Variants in ARNT2 observed in about 807,000 individuals in gnomAD.
ARNT2 encodes the protein aryl hydrocarbon receptor nuclear translocator 2, also known as ARNT protein 2.
In ARNT2, 36 loss-of-function variants were observed where a neutral mutation model predicts 91.7. That is an observed-to-expected ratio of 0.39 (90% confidence interval 0.30 to 0.52). The LOEUF is 0.52. ARNT2 is among the 20% of genes least tolerant of loss of function. ARNT2 has a pLI of 0.72. For synonymous variants in ARNT2, 365 were observed against 347.1 expected (o/e 1.05, Z -0.57); for missense variants, 775 against 939.3 (o/e 0.83, Z 2.29).
intron 8 of ARNT2, among the ~76,000 whole-genome samples, chr15:80,516,665 A>T (rs998978110): frequency 3.3e-5 from 5 of 151,568 alleles, no homozygotes; most frequent in African/African-American, 1.2e-4. Flanking sequence ...ATTTAACATG[A>T]TTATTGATAT....
chr15:80,583,642 A>G (rs1898839581), intron 17 of ARNT2, among the ~76,000 whole-genome samples: 1 of 152,220 alleles, frequency 6.6e-6, no homozygotes, highest in Non-Finnish European at 1.5e-5. Flanking sequence ...CCTAAGAAGG[A>G]GATACCATTA....
intron 16 of ARNT2, 82 bp from the exon 17 acceptor site, chr15:80,581,157 C>T (rs765185168): frequency 6.4e-7 from 1 of 1,553,096 alleles, no homozygotes; most frequent in African/African-American, 1.4e-5. Flanking sequence ...GGCACTGCCC[C>T]TGCGACCAGC....
In ARNT2 at chr15:80,581,654, G is replaced by A. The variant is rs1160020069; in HGVS notation, c.1918+250G>A. Among the ~76,000 whole-genome samples, 5 of 152,316 alleles carry A rather than the reference G, an allele frequency of 3.3e-5. No homozygotes were observed. In the South Asian group the frequency reaches 6.2e-4, roughly 19 times the overall value. ...TTGGGATGATGTTGCTGTGCTGTGAGGTGATCTGAATACCATTTTAACCCA... is the reference window on the plus strand; with the variant it reads ...TTGGGATGATGTTGCTGTGCTGTGAAGTGATCTGAATACCATTTTAACCCA... On this transcript the variant is annotated intron_variant, in intron 17 of 18. Transcript: ENST00000303329.
chr15:80,450,528 C>A (rs918371980), intron 1 of ARNT2, among the ~76,000 whole-genome samples: 5 of 152,218 alleles, frequency 3.3e-5, no homozygotes, highest in Admixed American at 6.5e-5. Flanking sequence ...TTCCCTCAGG[C>A]CTTAGCTGTG....
chr15:80,491,572 C>G (rs1164979709), intron 5 of ARNT2, among the ~76,000 whole-genome samples: 8 of 152,104 alleles, frequency 5.3e-5, no homozygotes, highest in Admixed American at 3.3e-4. Context: ...CACAGAGAAC[C>G]ATTATGCACT....
At position 80,470,305 on chromosome 15, in the gene ARNT2, C is replaced by T. The variant is rs112846421; in HGVS notation, c.282C>T (p.Ser94=). Residue 94 remains serine, a synonymous_variant, in exon 4 of 19, where the codon AGC becomes AGT. Coordinates refer to ENST00000303329, the MANE Select transcript of ARNT2 (RefSeq NM_014862.4). ...TELSDMVPTC[S]ALARKPDKLT... Reference sequence around the variant, plus strand: ...TCTCCGACATGGTCCCCACATGCAGCGCACTGGCTCGGAAGCCAGACAAGC... The same window carrying T: ...TCTCCGACATGGTCCCCACATGCAGTGCACTGGCTCGGAAGCCAGACAAGC... 48,371 of 1,614,150 alleles carry T rather than the reference C, an allele frequency of 0.03. 807 individuals are homozygous for T. The highest frequency in any genetic ancestry group is 0.034 in the Non-Finnish European group (39,782 of 1,180,028).
At chr15:80,427,937 G>C (rs1567176893) in intron 1 of ARNT2, among the ~76,000 whole-genome samples, 1 of 152,218 alleles carries the variant, frequency 6.6e-6, no homozygotes, top group Non-Finnish European at 1.5e-5. Context: ...CCTGACTCCA[G>C]CTCTGAAGGG....
chr15:80,423,476 T>C (rs367990785), intron 1 of ARNT2, among the ~76,000 whole-genome samples: 1 of 152,198 alleles, frequency 6.6e-6, no homozygotes, highest in East Asian at 1.9e-4. Context: ...CAGTGTCTAC[T>C]GAGATAAGCA....
chr15:80,407,808 C>A (rs1260751028), intron 1 of ARNT2, among the ~76,000 whole-genome samples: 1 of 152,008 alleles, frequency 6.6e-6, no homozygotes, highest in Non-Finnish European at 1.5e-5. Flanking sequence ...TAGTTATATA[C>A]ATAAAAGGGT....
intron 2 of ARNT2, among the ~76,000 whole-genome samples, chr15:80,455,656 G>A (rs1276680449): frequency 6.6e-6 from 1 of 152,042 alleles, no homozygotes; most frequent in African/African-American, 2.4e-5. Flanking sequence ...TAGATCCCAG[G>A]TATCTCCACT....
intron 12 of ARNT2, among the ~76,000 whole-genome samples, chr15:80,566,426 C>A (rs1596017850): frequency 6.6e-6 from 1 of 152,222 alleles, no homozygotes; most frequent in Non-Finnish European, 1.5e-5. Context: ...TCTGCACCTT[C>A]TTCATCTCCC....
At chr15:80,586,497 T>A (rs1446772662) in intron 17 of ARNT2, among the ~76,000 whole-genome samples, 4 of 152,180 alleles carry the variant, frequency 2.6e-5, no homozygotes, top group African/African-American at 9.7e-5. Flanking sequence ...ACATTGCCTT[T>A]TTGTAAAAGA....
rs114018112 is a variant in ARNT2, at chr15:80,531,185, G to A, written c.877+16780G>A. Among the ~76,000 whole-genome samples, 1,030 of 152,274 alleles carry A rather than the reference G, an allele frequency of 6.8e-3. 11 individuals carry two copies. The highest frequency in any genetic ancestry group is 0.022 in the African/African-American group (925 of 41,544). On this transcript the variant is annotated intron_variant, in intron 8 of 18. Transcript: ENST00000303329. ...TTCACATGTGACAATGTAAGTCCCC[G>A]GACAGCCTCCACCCAGTGTTGTTGA... is the stretch of plus-strand genomic sequence containing the variant.
At chr15:80,458,827 G>A (rs1346829008) in intron 3 of ARNT2, among the ~76,000 whole-genome samples, 1 of 152,150 alleles carries the variant, frequency 6.6e-6, no homozygotes, top group African/African-American at 2.4e-5. Context: ...AAGCCTCCAA[G>A]CCTTCCTAAT....
At chr15:80,475,454 G>A (rs988121917) in intron 5 of ARNT2, 27 of 410,232 alleles carry the variant, frequency 6.6e-5, no homozygotes, top group East Asian at 1.0e-4. Context: ...CAGCTACTCC[G>A]GAGGCTGAGG....
At chr15:80,433,578 C>T (rs548626573) in intron 1 of ARNT2, among the ~76,000 whole-genome samples, 2 of 152,066 alleles carry the variant, frequency 1.3e-5, no homozygotes, top group East Asian at 1.9e-4. Context: ...GAATTACAGG[C>T]GTGAGCCACC....
intron 2 of ARNT2, among the ~76,000 whole-genome samples, chr15:80,451,282 A>G (rs1896385842): frequency 6.6e-6 from 1 of 152,214 alleles, no homozygotes; most frequent in Non-Finnish European, 1.5e-5. Context: ...CTCACCCGTT[A>G]TCCTGCCTGA....
chr15:80,552,851 A>T (rs1181706971), intron 10 of ARNT2, 77 bp downstream of exon 10: 14 of 1,526,828 alleles, frequency 9.2e-6, no homozygotes, highest in South Asian at 1.2e-5. Flanking sequence ...TTCATTTGAG[A>T]TACAACACAA....
intron 5 of ARNT2, among the ~76,000 whole-genome samples, chr15:80,506,427 A>G (rs1287740306): frequency 6.6e-6 from 1 of 152,184 alleles, no homozygotes; most frequent in Admixed American, 6.5e-5. Context: ...AGAATGACTA[A>G]AAGGAAACAT....
Sources: allele counts gnomAD v4.1 joint callset (sites outside exome capture counted in the v4.1 genomes callset), GRCh38; gene constraint gnomAD v4.1.1; transcripts MANE v1.5; gene names NCBI Gene and HGNC (gene_info 2026-07-23, HGNC 2026-07-21).